NCOA2: variants seen among roughly 807,000 people sequenced by gnomAD.
NCOA2 encodes nuclear receptor coactivator 2, also known as class E basic helix-loop-helix protein 75.
In NCOA2, 21 loss-of-function variants were observed where a neutral mutation model predicts 145.1. The observed-to-expected ratio is 0.14, with a 90% confidence interval of 0.10 to 0.21. The LOEUF is 0.21. Ranked by LOEUF, NCOA2 falls within the 10% of genes least tolerant of loss-of-function variation. The pLI is 1.00. For synonymous variants in NCOA2, 619 were observed against 637.5 expected (o/e 0.97, Z 0.44); for missense variants, 1,472 against 1,837.6 (o/e 0.80, Z 3.64).
intron 1 of NCOA2, among the ~76,000 whole-genome samples, chr8:70,363,541 A>G (rs1397258381): frequency 6.6e-6 from 1 of 152,202 alleles, no homozygotes; most frequent in African/African-American, 2.4e-5. Flanking sequence ...GAAACAACCC[A>G]AATGTCTTTT....
intron 1 of NCOA2, among the ~76,000 whole-genome samples, chr8:70,342,122 C>T (rs368842922): frequency 4.6e-5 from 7 of 152,194 alleles, no homozygotes; most frequent in Admixed American, 6.5e-5. Flanking sequence ...ATATTACATG[C>T]GTAAGGAATT....
chr8:70,213,189 T>C (rs1364213411), intron 4 of NCOA2, among the ~76,000 whole-genome samples: 2 of 151,846 alleles, frequency 1.3e-5, no homozygotes, highest in Non-Finnish European at 2.9e-5. Flanking sequence ...AGAGCATATA[T>C]TGGCCCTGGG....
intron 2 of NCOA2, among the ~76,000 whole-genome samples, chr8:70,251,520 G>A (rs1023263114): frequency 2.6e-5 from 4 of 152,136 alleles, no homozygotes; most frequent in African/African-American, 7.2e-5. Flanking sequence ...AAAGTAAGTC[G>A]CCTTTAAAAA....
chr8:70,368,306 T>C (rs1433062980), intron 1 of NCOA2, among the ~76,000 whole-genome samples: 1 of 152,160 alleles, frequency 6.6e-6, no homozygotes, highest in Non-Finnish European at 1.5e-5. Context: ...GGGAAATACT[T>C]GGAGATGGGG....
chr8:70,262,914 TAAC>T (rs1265878065), intron 2 of NCOA2, among the ~76,000 whole-genome samples: 8 of 151,998 alleles, frequency 5.3e-5, no homozygotes, highest in African/African-American at 1.9e-4. Context: ...AGTAAGAGAT[TAAC>T]AACAATAGTT....
At chr8:70,442,738 C>CT in the NCOA2 span, among the ~76,000 whole-genome samples, 2 of 152,178 alleles carry the variant, frequency 1.3e-5, no homozygotes, top group East Asian at 3.9e-4. Context: ...CATACCAAGG[C>CT]TTTTCCCTTT....
the NCOA2 span, among the ~76,000 whole-genome samples, chr8:70,411,525 T>C: frequency 2.6e-5 from 4 of 152,238 alleles, no homozygotes; most frequent in African/African-American, 9.6e-5. Context: ...CAATATCCAT[T>C]AAAGCTGAGC....
rs991211169 is a variant in NCOA2, at chr8:70,147,218, C to T, written c.2605+1055G>A. 7.2e-5 allele frequency among the ~76,000 whole-genome samples: 11 copies of T among 151,796 alleles called. 1 individual carries two copies. The highest frequency in any genetic ancestry group is 5.9e-4 in the Admixed American group (9 of 15,242). ...CGCAATCTCGGACCACTGCAACCTC[C>T]GCCTCCCGGGTTCAACCAATTCTCC... On this transcript the variant is annotated intron_variant, in intron 12 of 22. Transcript: ENST00000452400.
chr8:70,310,000 A>T (rs1415301385), intron 1 of NCOA2, among the ~76,000 whole-genome samples: 1 of 151,852 alleles, frequency 6.6e-6, no homozygotes, highest in Non-Finnish European at 1.5e-5. Context: ...AACAAAAAAT[A>T]GCTAGCTTTT....
chr8:70,246,588 T>G (rs1445582842), intron 2 of NCOA2, among the ~76,000 whole-genome samples: 2 of 152,118 alleles, frequency 1.3e-5, no homozygotes, highest in Non-Finnish European at 2.9e-5. Flanking sequence ...AACACAAAAT[T>G]TATCATCTTA....
At chr8:70,197,298 T>C (rs138918558) in intron 4 of NCOA2, among the ~76,000 whole-genome samples, 9 of 152,334 alleles carry the variant, frequency 5.9e-5, no homozygotes, top group Middle Eastern at 3.4e-3. Flanking sequence ...CAATCAATCA[T>C]AGTACTTACT....
chr8:70,153,577 G>A (rs1051373357), intron 11 of NCOA2, among the ~76,000 whole-genome samples: 5 of 152,222 alleles, frequency 3.3e-5, no homozygotes, highest in East Asian at 1.9e-4. Context: ...GCCTGGCCAC[G>A]TTAGACACTA....
At chr8:70,123,832 G>A in intron 21 of NCOA2, 52 bp downstream of exon 21, 6 of 1,463,324 alleles carry the variant, frequency 4.1e-6, no homozygotes, top group Non-Finnish European at 5.5e-6. Flanking sequence ...TGCAGAAGTA[G>A]AAAAAAAGCC....
chr8:70,384,341 GA>G (rs1812481193), intron 1 of NCOA2, among the ~76,000 whole-genome samples: 1 of 151,560 alleles, frequency 6.6e-6, no homozygotes, highest in South Asian at 2.1e-4. Flanking sequence ...ATTTTTCTGA[GA>G]AAATTATTGT....
intron 12 of NCOA2, among the ~76,000 whole-genome samples, chr8:70,146,991 T>G (rs1374828642): frequency 1.3e-5 from 2 of 152,122 alleles, no homozygotes; most frequent in Non-Finnish European, 2.9e-5. Context: ...GCGCCCAGCC[T>G]GTCTAGTGTG....
At position 70,126,815 on chromosome 8, in the gene NCOA2, T is replaced by C; in HGVS notation, c.3914A>G (p.Tyr1305Cys). Residue 1305 changes from tyrosine to cysteine, a missense_variant and splice_region_variant, in exon 19 of 23, where the codon TAC (tyrosine) becomes TGC (cysteine). By Grantham distance (194) the Tyr-to-Cys change is radical. Coordinates refer to ENST00000452400, the MANE Select transcript of NCOA2 (RefSeq NM_006540.4). ...TGGTGGGGATCTAAGTCCAGTACCG[T>C]AGTTTGGAGGAAATGGAAACTGCTG... is the stretch of plus-strand genomic sequence containing the variant. The part of the protein sequence containing the change: ...NAQQFPFPPN[Y>C]GISQQPDPGF... 1 of 1,613,310 alleles carries C rather than the reference T, an allele frequency of 6.2e-7. No homozygotes were observed.
intron 1 of NCOA2, among the ~76,000 whole-genome samples, chr8:70,356,394 G>A (rs944168537): frequency 6.6e-6 from 1 of 152,134 alleles, no homozygotes; most frequent in African/African-American, 2.4e-5. Flanking sequence ...CACTCCACTA[G>A]TCATTCTACA....
chr8:70,227,079 G>A (rs1586174024), intron 2 of NCOA2, among the ~76,000 whole-genome samples: 1 of 152,178 alleles, frequency 6.6e-6, no homozygotes, highest in African/African-American at 2.4e-5. Flanking sequence ...TCCCAGGAGA[G>A]GGTCCACGGT....
intron 1 of NCOA2, among the ~76,000 whole-genome samples, chr8:70,307,001 A>G (rs1001540311): frequency 1.3e-5 from 2 of 152,302 alleles, no homozygotes; most frequent in African/African-American, 2.4e-5. Context: ...CCACTCTCCC[A>G]GGTTGCTTCT....
Sources: allele counts gnomAD v4.1 joint callset (sites outside exome capture counted in the v4.1 genomes callset), GRCh38; gene constraint gnomAD v4.1.1; transcripts MANE v1.5; gene names NCBI Gene and HGNC (gene_info 2026-07-23, HGNC 2026-07-21).